Variants in RHOU observed in about 807,000 individuals in gnomAD.
The protein encoded by RHOU is ras homolog family member U.
A neutral mutation model predicts 12.6 loss-of-function variants in RHOU; 8 were observed. The observed-to-expected ratio is 0.64, with a 90% confidence interval of 0.37 to 1.15. RHOU has a LOEUF of 1.15. RHOU is among the 50% of genes most tolerant of loss of function. The pLI, the probability that RHOU is intolerant of heterozygous loss-of-function variation, is 0.01. For missense variants in RHOU, 258 were observed against 347.0 expected, an observed-to-expected ratio of 0.74 and a Z score of 2.04; for synonymous variants, 161 against 147.4, an observed-to-expected ratio of 1.09 and a Z score of -0.67.
At chr1:228,646,456 G>C in the RHOU span, among the ~76,000 whole-genome samples, 44 of 62,632 alleles carry the variant, frequency 7.0e-4, 1 homozygote, top group African/African-American at 2.5e-3. Flanking sequence ...GGGCTCCTGC[G>C]AGGCCCCCTC....
At chr1:228,667,198 C>T in the RHOU span, among the ~76,000 whole-genome samples, 8 of 152,202 alleles carry the variant, frequency 5.3e-5, 1 homozygote, top group Non-Finnish European at 8.8e-5. Context: ...CTTTTCTGGA[C>T]ACTGCTCCAG....
the RHOU span, among the ~76,000 whole-genome samples, chr1:228,686,294 T>C: frequency 1.3e-5 from 2 of 152,206 alleles, no homozygotes. Context: ...ATGTGTTTTA[T>C]TAACTAATAT....
chr1:228,707,253 A>AGTGTGTGTGTG, the RHOU span, among the ~76,000 whole-genome samples: 3 of 77,160 alleles, frequency 3.9e-5, no homozygotes, highest in African/African-American at 6.5e-5. Context: ...ATATATATAT[A>AGTGTGTGTGTG]TAGTGTGTGT....
At chr1:228,672,766 G>A in the RHOU span, among the ~76,000 whole-genome samples, 3 of 152,236 alleles carry the variant, frequency 2.0e-5, no homozygotes, top group Non-Finnish European at 4.4e-5. Flanking sequence ...CCAAACTTGC[G>A]TTGCCATAGC....
Position 228,738,436 on chromosome 1 carries a change from T to A in RHOU, c.321+705T>A, listed in dbSNP as rs1030180023. 2.0e-5 allele frequency among the ~76,000 whole-genome samples: 3 copies of A among 152,182 alleles called. No individual in the cohort carries two copies. In the East Asian group the frequency reaches 5.8e-4, roughly 29 times the overall value. On this transcript the variant is annotated intron_variant, in intron 2 of 2. Coordinates refer to ENST00000366691, the MANE Select transcript of RHOU (RefSeq NM_021205.6). This position sits in a 1 kb window ranked among gnomAD's most constrained non-coding sequence, Gnocchi z 4.2. ...CGAGTCATTGAAGTCAGGCTGTGCC[T>A]TGTGAACACCCAGGGGTACTTGATT...
chr1:228,703,212 G>C, the RHOU span, among the ~76,000 whole-genome samples: 1 of 152,130 alleles, frequency 6.6e-6, no homozygotes, highest in Non-Finnish European at 1.5e-5. Context: ...ATTTCTTTTA[G>C]AGATATAAAT....
the RHOU span, among the ~76,000 whole-genome samples, chr1:228,653,850 T>C: frequency 6.6e-6 from 1 of 152,268 alleles, no homozygotes; most frequent in Non-Finnish European, 1.5e-5. Context: ...AAAATTGAAC[T>C]AATTCTGCAA....
chr1:228,733,765 A>G (rs1276263386), upstream of RHOU, among the ~76,000 whole-genome samples: 1 of 152,224 alleles, frequency 6.6e-6, no homozygotes, highest in Non-Finnish European at 1.5e-5. Flanking sequence ...TAGGTATGTC[A>G]GTGGTAGCCA....
the RHOU span, among the ~76,000 whole-genome samples, chr1:228,723,886 A>G: frequency 6.6e-6 from 1 of 152,094 alleles, no homozygotes; most frequent in South Asian, 2.1e-4. Flanking sequence ...TGCTTCTCCA[A>G]CACGGAGACA....
chr1:228,648,547 G>T, the RHOU span, among the ~76,000 whole-genome samples: 2 of 152,086 alleles, frequency 1.3e-5, no homozygotes, highest in Non-Finnish European at 2.9e-5. Context: ...ACCCTCTCTT[G>T]CTTCACCCAC....
At chr1:228,674,988 C>T in the RHOU span, among the ~76,000 whole-genome samples, 1 of 152,154 alleles carries the variant, frequency 6.6e-6, no homozygotes. Flanking sequence ...CTTGGCCTCC[C>T]AAAGTGCTGG....
the RHOU span, chr1:228,650,086 A>G: frequency 7.3e-6 from 3 of 412,500 alleles, no homozygotes; most frequent in South Asian, 5.4e-5. Context: ...AGATTCATAG[A>G]AAGAACTCTA....
the RHOU span, among the ~76,000 whole-genome samples, chr1:228,713,943 G>A: frequency 6.6e-6 from 1 of 151,870 alleles, no homozygotes; most frequent in Non-Finnish European, 1.5e-5. Flanking sequence ...CACACATTTG[G>A]TCATGGAAGT....
the RHOU span, among the ~76,000 whole-genome samples, chr1:228,678,295 A>G: frequency 6.6e-6 from 1 of 152,174 alleles, no homozygotes; most frequent in Non-Finnish European, 1.5e-5. Flanking sequence ...CTGGAAGGAG[A>G]TATTTTCCTT....
the RHOU span, among the ~76,000 whole-genome samples, chr1:228,714,740 C>CTTTTTTTTTTTTTTTT: frequency 1.2e-5 from 1 of 83,686 alleles, no homozygotes; most frequent in Non-Finnish European, 2.2e-5. Context: ...TGTTAATTAT[C>CTTTTTTTTTTTTTTTT]TTTTTTTTTT....
chr1:228,737,626 G>A lies in RHOU; in HGVS notation c.263-47G>A. ...AGCTAAAACTATTAGTATTCCGAAA[G>A]GGGTTAAAAGACACCTCCTGATTGT... On this transcript the variant is annotated intron_variant, in intron 1 of 2. Transcript: ENST00000366691. The surrounding 1 kb of genome is among the most constrained non-coding windows in gnomAD (Gnocchi z 4.1). 3.9e-6 allele frequency: 6 copies of A among 1,554,826 alleles called. No homozygotes were observed. Among genetic ancestry groups the A allele is most frequent in the South Asian group, 1.1e-5 (1 of 89,900 alleles).
Position 228,744,351 on chromosome 1 carries a change from T to C in RHOU, c.*611T>C, listed in dbSNP as rs11578216. ...AAACAACCAACAGAAAACATCCCAC[T>C]GACTGTATGGCACTCTGTAGTCAAA... On this transcript the variant is annotated 3_prime_UTR_variant, in exon 3 of 3. Coordinates refer to ENST00000366691, the MANE Select transcript of RHOU (RefSeq NM_021205.6). 1.3e-5 allele frequency: 2 copies of C among 152,410 alleles called. No individual in the cohort carries two copies. Among genetic ancestry groups the C allele is most frequent in the Non-Finnish European group, 2.9e-5 (2 of 68,140 alleles). The allele number at this position is 152,410 out of a possible 1,614,324, so 9.4% of individuals were successfully genotyped here.
the RHOU span, among the ~76,000 whole-genome samples, chr1:228,712,814 A>G: frequency 1.5e-5 from 2 of 136,744 alleles, no homozygotes; most frequent in African/African-American, 5.8e-5. Flanking sequence ...GTATAATAAT[A>G]ATAAATAAAT....
chr1:228,743,506 G>T lies in RHOU; in HGVS notation c.543G>T (p.Lys181Asn). 6.2e-7 allele frequency: 1 copy of T among 1,614,172 alleles called. No individual in the cohort carries two copies. Among genetic ancestry groups the T allele is most frequent in the Non-Finnish European group, 8.5e-7 (1 of 1,180,032 alleles). The stretch of plus-strand genomic sequence containing the variant: ...TTGAGTTGGACAAATGCAAAGAAAA[G>T]CCAGTGCCTGAAGAGGCGGCTAAGC... ...VLIELDKCKE[K>N]PVPEEAAKLC... The change falls in exon 3 of 3, where the codon AAG becomes AAT. Residue 181 changes from lysine (K) to asparagine (N), a missense_variant. Transcript: ENST00000366691. The surrounding 1 kb of genome is among the most constrained non-coding windows in gnomAD (Gnocchi z 5.1).
Sources: allele counts gnomAD v4.1 joint callset (sites outside exome capture counted in the v4.1 genomes callset), GRCh38; gene constraint gnomAD v4.1.1; non-coding constraint Gnocchi (gnomAD v3.1); transcripts MANE v1.5; gene names NCBI Gene and HGNC (gene_info 2026-07-23, HGNC 2026-07-21).